ATP9B: variants seen among roughly 807,000 people sequenced by gnomAD.
The protein encoded by ATP9B is ATPase phospholipid transporting 9B.
A neutral mutation model predicts 146.1 loss-of-function variants in ATP9B; 110 were observed. That is an observed-to-expected ratio of 0.75 (90% CI 0.65 to 0.88). ATP9B has a LOEUF of 0.88. Ranked by LOEUF, ATP9B falls within the 40% of genes least tolerant of loss-of-function variation. The probability of loss-of-function intolerance (pLI) is 0.00; values close to 1 mark genes in which losing one functional copy is unlikely to be tolerated. For synonymous variants in ATP9B, 604 were observed against 569.7 expected, an observed-to-expected ratio of 1.06 and a Z score of -0.86; for missense variants, 1,499 against 1,496.4, an observed-to-expected ratio of 1.00 and a Z score of -0.03.
rs540208953 is a variant in ATP9B at position 79,259,000 on chromosome 18, G to A, written c.1268+5459G>A. Among the ~76,000 whole-genome samples, 34 of 152,304 alleles carry A rather than the reference G, an allele frequency of 2.2e-4. 1 individual carries two copies. The South Asian group carries it at 7.1e-3, about 32-fold the overall frequency. On this transcript the variant is annotated intron_variant, in intron 12 of 29. Coordinates refer to ENST00000426216, the MANE Select transcript of ATP9B (RefSeq NM_198531.5). ...AATATGCTTTTGGATTGAATAAAGGGTAAGACTTCTAAAATATGTTTTGGT... is the reference window on the plus strand; with the variant it reads ...AATATGCTTTTGGATTGAATAAAGGATAAGACTTCTAAAATATGTTTTGGT...
chr18:79,161,797 G>C (rs557743816), intron 7 of ATP9B, among the ~76,000 whole-genome samples: 1 of 152,172 alleles, frequency 6.6e-6, no homozygotes, highest in East Asian at 1.9e-4. Context: ...AGTGAGCCGA[G>C]TTCGCACCAC....
chr18:79,143,531 A>G (rs913897166), intron 5 of ATP9B, among the ~76,000 whole-genome samples: 1 of 152,212 alleles, frequency 6.6e-6, no homozygotes, highest in African/African-American at 2.4e-5. Context: ...CAATTACAAA[A>G]CATGGGAATA....
At chr18:79,325,543 C>T (rs1159710799) in intron 15 of ATP9B, among the ~76,000 whole-genome samples, 1 of 152,198 alleles carries the variant, frequency 6.6e-6, no homozygotes, top group Non-Finnish European at 1.5e-5. Flanking sequence ...GCCTGTTTGT[C>T]TATTTAATTC....
At chr18:79,267,252 A>G (rs1361658250) in intron 12 of ATP9B, among the ~76,000 whole-genome samples, 3 of 152,034 alleles carry the variant, frequency 2.0e-5, no homozygotes, top group African/African-American at 7.2e-5. Context: ...AGGATCTGTG[A>G]TATGAACCTT....
At chr18:79,260,892 A>G (rs576128697) in intron 12 of ATP9B, among the ~76,000 whole-genome samples, 74 of 152,374 alleles carry the variant, frequency 4.9e-4, no homozygotes, top group African/African-American at 1.7e-3. Context: ...GCTTGGGATC[A>G]GTGATCTTGT....
chr18:79,327,613 GCC>G, intron 15 of ATP9B, among the ~76,000 whole-genome samples: 2 of 142,584 alleles, frequency 1.4e-5, no homozygotes, highest in Non-Finnish European at 3.0e-5. Flanking sequence ...TGGTTAGCGT[GCC>G]CTCCCTGGTT....
At chr18:79,090,322 A>C (rs1197654724) in intron 1 of ATP9B, among the ~76,000 whole-genome samples, 2 of 152,162 alleles carry the variant, frequency 1.3e-5, no homozygotes, top group Non-Finnish European at 2.9e-5. Context: ...ATAGTAGCTC[A>C]ATTTTTAGTT....
intron 6 of ATP9B, among the ~76,000 whole-genome samples, chr18:79,153,711 C>T (rs1416272631): frequency 2.0e-5 from 3 of 150,254 alleles, no homozygotes; most frequent in African/African-American, 7.4e-5. Context: ...AGTGCAGTGG[C>T]ATGAACATGG....
intron 19 of ATP9B, among the ~76,000 whole-genome samples, chr18:79,339,805 A>AAGTATGTCATGATTGCAGTAGAT (rs2096849010): frequency 6.6e-6 from 1 of 152,050 alleles, no homozygotes; most frequent in Non-Finnish European, 1.5e-5. Flanking sequence ...TTGCAGTAGA[A>AAGTATGTCATGATTGCAGTAGAT]AGTATGTCAT....
At chr18:79,167,810 T>C (rs1476791804) in intron 7 of ATP9B, among the ~76,000 whole-genome samples, 1 of 152,124 alleles carries the variant, frequency 6.6e-6, no homozygotes, top group Non-Finnish European at 1.5e-5. Flanking sequence ...TGTTCCTGGC[T>C]TGAAGGTAGG....
chr18:79,133,170 G>A (rs1306362846), intron 5 of ATP9B, among the ~76,000 whole-genome samples: 2 of 152,144 alleles, frequency 1.3e-5, no homozygotes, highest in Non-Finnish European at 2.9e-5. Flanking sequence ...GGGATTACAG[G>A]TGTGAGCCAC....
intron 13 of ATP9B, among the ~76,000 whole-genome samples, chr18:79,291,242 G>A (rs570819214): frequency 5.9e-5 from 9 of 151,890 alleles, no homozygotes; most frequent in East Asian, 1.9e-4. Flanking sequence ...TACCATAGCC[G>A]AGTCTGCTGT....
chr18:79,219,852 T>C (rs769536897), intron 11 of ATP9B, among the ~76,000 whole-genome samples: 1 of 152,288 alleles, frequency 6.6e-6, no homozygotes, highest in South Asian at 2.1e-4. Flanking sequence ...GGTAGTGAAA[T>C]TGATGCAACA....
At chr18:79,256,812 G>GC (rs2096086309) in intron 12 of ATP9B, among the ~76,000 whole-genome samples, 1 of 152,132 alleles carries the variant, frequency 6.6e-6, no homozygotes, top group Non-Finnish European at 1.5e-5. Context: ...CCGGGCCGCA[G>GC]CCTTCTTGGC....
At chr18:79,112,836 A>C (rs937938627) in intron 3 of ATP9B, among the ~76,000 whole-genome samples, 5 of 152,160 alleles carry the variant, frequency 3.3e-5, no homozygotes, top group Non-Finnish European at 7.4e-5. Flanking sequence ...CTGAGTCATT[A>C]TCAAGATACA....
intron 1 of ATP9B, among the ~76,000 whole-genome samples, chr18:79,090,474 G>A (rs2074230158): frequency 6.6e-6 from 1 of 152,110 alleles, no homozygotes; most frequent in Admixed American, 6.6e-5. Context: ...TTTTAACTTG[G>A]GTGAGATGAT....
At chr18:79,227,331 A>G (rs1056448456) in intron 11 of ATP9B, among the ~76,000 whole-genome samples, 3 of 145,818 alleles carry the variant, frequency 2.1e-5, no homozygotes, top group African/African-American at 5.0e-5. Flanking sequence ...GTGTATTGCC[A>G]TACGCTGTTT....
At chr18:79,348,247 TGAAA>T (rs2147572385) in intron 25 of ATP9B, 51 bp downstream of exon 25, 15 of 1,094,166 alleles carry the variant, frequency 1.4e-5, no homozygotes, top group African/African-American at 6.1e-5. Context: ...ACTTCTATTT[TGAAA>T]AAAAAAAAAA....
intron 28 of ATP9B, among the ~76,000 whole-genome samples, chr18:79,374,885 A>T (rs1232804080): frequency 6.6e-6 from 1 of 152,380 alleles, no homozygotes; most frequent in South Asian, 2.1e-4. Flanking sequence ...ACTCAGTGCC[A>T]CAGTGAGCTC....
Sources: gnomAD v4.1 joint callset for allele counts (sites outside exome capture counted in the v4.1 genomes callset) on GRCh38, gnomAD v4.1.1 for gene constraint, MANE v1.5 for transcripts, NCBI Gene and HGNC (gene_info 2026-07-23, HGNC 2026-07-21) for gene names.